KCNJ12: variants seen among roughly 807,000 people sequenced by gnomAD.
KCNJ12 encodes potassium inwardly rectifying channel subfamily J member 12.
In KCNJ12, 2 loss-of-function variants were observed where a neutral mutation model predicts 22.3. The observed-to-expected ratio is 0.09, with a 90% CI of 0.04 to 0.28. The LOEUF (loss-of-function observed/expected upper bound fraction) is 0.28, where lower values mean the gene tolerates loss of function less well. KCNJ12 is among the 10% of genes least tolerant of loss of function. KCNJ12 has a pLI of 1.00. For synonymous variants in KCNJ12, 117 were observed against 261.4 expected (o/e 0.45, Z 5.33); for missense variants, 155 against 633.3 (o/e 0.24, Z 8.11).
intron 1 of KCNJ12, among the ~76,000 whole-genome samples, chr17:21,391,814 C>T (rs1038640391): frequency 6.6e-6 from 1 of 152,254 alleles, no homozygotes; most frequent in Non-Finnish European, 1.5e-5. Context: ...GTCCCCCCAC[C>T]CCAGTCTCCT....
chr17:21,387,402 A>C (rs1389643762), intron 1 of KCNJ12, among the ~76,000 whole-genome samples: 1 of 147,098 alleles, frequency 6.8e-6, no homozygotes, highest in Non-Finnish European at 1.5e-5. Context: ...AGATCGCGCC[A>C]TAGCACTCCA....
chr17:21,381,747 C>T (rs185120589), intron 1 of KCNJ12, among the ~76,000 whole-genome samples: 1 of 152,200 alleles, frequency 6.6e-6, no homozygotes, highest in Non-Finnish European at 1.5e-5. Context: ...ATGCTATCTG[C>T]CACAATATAT....
At chr17:21,380,695 G>A (rs1207103811) in intron 1 of KCNJ12, among the ~76,000 whole-genome samples, 1 of 152,206 alleles carries the variant, frequency 6.6e-6, no homozygotes, top group Non-Finnish European at 1.5e-5. Context: ...TGTGGAGCCA[G>A]AGCCTGGGGA....
At chr17:21,385,942 A>G (rs1356950249) in intron 1 of KCNJ12, among the ~76,000 whole-genome samples, 1 of 152,086 alleles carries the variant, frequency 6.6e-6, no homozygotes, top group Non-Finnish European at 1.5e-5. Flanking sequence ...GGTTGGGCAA[A>G]CCCACACGCC....
intron 2 of KCNJ12, among the ~76,000 whole-genome samples, chr17:21,409,464 A>G (rs1446208562): frequency 6.6e-6 from 1 of 152,310 alleles, no homozygotes; most frequent in Non-Finnish European, 1.5e-5. Context: ...GGAAATAAGG[A>G]AATGAGGTGA....
At chr17:21,390,031 G>C (rs1400584049) in intron 1 of KCNJ12, among the ~76,000 whole-genome samples, 2 of 151,954 alleles carry the variant, frequency 1.3e-5, no homozygotes, top group Admixed American at 1.3e-4. Flanking sequence ...TCTCTTTCTC[G>C]GGCCCAGCTC....
chr17:21,402,380 C>T (rs1305332546), intron 1 of KCNJ12, among the ~76,000 whole-genome samples: 1 of 152,262 alleles, frequency 6.6e-6, no homozygotes, highest in Non-Finnish European at 1.5e-5. Context: ...GCCCCAGCAG[C>T]ATGTGGGCCC....
At chr17:21,408,489 A>G (rs1906114225) in intron 1 of KCNJ12, 30 bp from the exon 2 acceptor site, 1 of 152,426 alleles carries the variant, frequency 6.6e-6, no homozygotes, top group Non-Finnish European at 1.5e-5. Context: ...CACCGCCTGC[A>G]GTAACTTGGC....
intron 1 of KCNJ12, among the ~76,000 whole-genome samples, chr17:21,381,976 A>G (rs1555557974): frequency 6.6e-6 from 1 of 152,212 alleles, no homozygotes; most frequent in East Asian, 1.9e-4. Flanking sequence ...TTGTCAGCCC[A>G]TTCTGCAGAT....
intron 1 of KCNJ12, among the ~76,000 whole-genome samples, chr17:21,382,066 C>T (rs1237228160): frequency 6.6e-6 from 1 of 152,242 alleles, no homozygotes; most frequent in East Asian, 1.9e-4. Context: ...CTGACCTTTT[C>T]TCTGAGCCTT....
chr17:21,385,223 A>T (rs1191881067), intron 1 of KCNJ12, among the ~76,000 whole-genome samples: 3 of 152,096 alleles, frequency 2.0e-5, no homozygotes, highest in Admixed American at 2.0e-4. Context: ...TGCTACACTG[A>T]TTGGGAGAGT....
Position 21,419,364 on chromosome 17 carries a change from GT to G in KCNJ12, c.*2723del, listed in dbSNP as rs1907021802. On this transcript the variant is annotated 3_prime_UTR_variant, in exon 3 of 3. Transcript: ENST00000583088. ...GTTATGTGTCTGTCTACCCCCAGGT[GT>G]TTCCGTGTACAAGTTTCCTGTGAGG... 1 of 166,982 alleles carries G rather than the reference GT, an allele frequency of 6.0e-6. No homozygotes were observed. The highest frequency in any genetic ancestry group is 6.6e-5 in the Admixed American group (1 of 15,260). The allele number at this position is 166,982 out of a possible 1,614,324, so 10.3% of individuals were successfully genotyped here.
At chr17:21,383,988 C>G (rs1277461013) in intron 1 of KCNJ12, among the ~76,000 whole-genome samples, 1 of 152,152 alleles carries the variant, frequency 6.6e-6, no homozygotes, top group South Asian at 2.1e-4. Context: ...AAGTGAATTT[C>G]TCCTCCTCAC....
intron 1 of KCNJ12, among the ~76,000 whole-genome samples, chr17:21,381,984 G>T (rs1904884002): frequency 6.6e-6 from 1 of 152,200 alleles, no homozygotes; most frequent in African/African-American, 2.4e-5. Flanking sequence ...CCATTCTGCA[G>T]ATGAGAAAAC....
At position 21,380,519 on chromosome 17, in the gene KCNJ12, G is replaced by T. The variant is rs571836591; in HGVS notation, c.-179+3606G>T. ...GATGGGGTCACTCTTCCTGGCCTCAGTTCATCATCTGTGAAGTGGGACTGG... is the reference window on the plus strand; with the variant it reads ...GATGGGGTCACTCTTCCTGGCCTCATTTCATCATCTGTGAAGTGGGACTGG... On this transcript the variant is annotated intron_variant, in intron 1 of 2. Coordinates refer to ENST00000583088, the MANE Select transcript of KCNJ12 (RefSeq NM_021012.5). Among the ~76,000 whole-genome samples, 5 of 152,304 alleles carry T rather than the reference G, an allele frequency of 3.3e-5. No individual in the cohort carries two copies. The East Asian group carries it at 9.6e-4, about 29-fold the overall frequency.
intron 1 of KCNJ12, among the ~76,000 whole-genome samples, chr17:21,379,264 C>T (rs1555557640): frequency 2.0e-5 from 3 of 152,232 alleles, no homozygotes; most frequent in African/African-American, 2.4e-5. Context: ...CAGTACCAAG[C>T]GTGGCACCCG....
chr17:21,415,975 C>T lies in KCNJ12; in HGVS notation c.633C>T (p.Leu211=). 1 of 1,610,980 alleles carries T rather than the reference C, an allele frequency of 6.2e-7. No homozygotes were observed. Among genetic ancestry groups the T allele is most frequent in the Non-Finnish European group, 8.5e-7 (1 of 1,179,368 alleles). ...CCCTGCGTGACGGCAAGCTCTGCCT[C>T]ATGTGGCGTGTGGGTAACCTGCGCA... ...VVALRDGKLC[L]MWRVGNLRKS... Residue 211 remains leucine (L), a synonymous_variant, in exon 3 of 3, where the codon CTC becomes CTT. Coordinates refer to ENST00000583088, the MANE Select transcript of KCNJ12 (RefSeq NM_021012.5).
chr17:21,404,398 T>G (rs1469424265), intron 1 of KCNJ12, among the ~76,000 whole-genome samples: 2 of 152,264 alleles, frequency 1.3e-5, no homozygotes, highest in African/African-American at 4.8e-5. Context: ...ACACCTCGCC[T>G]GGGCTCCCGA....
chr17:21,402,743 T>C (rs1360348162), intron 1 of KCNJ12, among the ~76,000 whole-genome samples: 3 of 152,290 alleles, frequency 2.0e-5, no homozygotes, highest in African/African-American at 7.2e-5. Context: ...AGCAGACAGG[T>C]TATGGGGGGC....
Sources: allele counts gnomAD v4.1 joint callset (sites outside exome capture counted in the v4.1 genomes callset), GRCh38; gene constraint gnomAD v4.1.1; transcripts MANE v1.5; gene names NCBI Gene and HGNC (gene_info 2026-07-23, HGNC 2026-07-21).